SRGAP3: variants seen among roughly 807,000 people sequenced by gnomAD.
SRGAP3 encodes the protein SLIT-ROBO Rho GTPase activating protein 3.
SRGAP3 carries 39 observed loss-of-function variants against 121.1 expected under a neutral mutation model. The ratio of observed to expected loss-of-function variants is 0.32; its 90% CI spans 0.25 to 0.42. The LOEUF (loss-of-function observed/expected upper bound fraction) is 0.42. SRGAP3 is among the 10% of genes least tolerant of loss of function. The pLI is 1.00. For missense variants in SRGAP3, 1,213 were observed against 1,470.6 expected, an observed-to-expected ratio of 0.82 and a Z score of 2.86; for synonymous variants, 601 against 570.0, an observed-to-expected ratio of 1.05 and a Z score of -0.77.
rs542179680 is a variant in SRGAP3, at chr3:9,347,393, C to A, written n.214+15447G>T. On this transcript the variant is annotated intron_variant and non_coding_transcript_variant, in intron 1 of 3. Coordinates refer to the SRGAP3 transcript ENST00000490889. ...TTTTTTTTAATTTGTAGAGACAGGG[C>A]AACTTTCAGTTTTTCAAACACTGAT... Among the ~76,000 whole-genome samples, 28 of 152,230 alleles carry A rather than the reference C, an allele frequency of 1.8e-4. 1 individual carries two copies. In the South Asian group the frequency reaches 5.0e-3, roughly 27 times the overall value.
At chr3:9,330,029 C>T (rs541423716) in intron 2 of SRGAP3, among the ~76,000 whole-genome samples, 1 of 152,286 alleles carries the variant, frequency 6.6e-6, no homozygotes, top group South Asian at 2.1e-4. Flanking sequence ...TTTGCCATTT[C>T]TATAAGACTT....
chr3:9,209,376 C>G (rs1463834604), intron 1 of SRGAP3, among the ~76,000 whole-genome samples: 2 of 152,082 alleles, frequency 1.3e-5, no homozygotes, highest in Non-Finnish European at 2.9e-5. Flanking sequence ...ATCAACAACC[C>G]AATACAAAAT....
At chr3:9,146,953 G>A (rs1422913881) in intron 1 of SRGAP3, among the ~76,000 whole-genome samples, 1 of 152,140 alleles carries the variant, frequency 6.6e-6, no homozygotes, top group Middle Eastern at 3.2e-3. Flanking sequence ...TGGCAGAAAT[G>A]GACCCCCTCC....
At chr3:9,348,692 T>A in intron 1 of SRGAP3, 1 of 1,144,574 alleles carries the variant, frequency 8.7e-7, no homozygotes, top group Non-Finnish European at 1.3e-6. Context: ...TAGTGAGGAT[T>A]GGTGCCTCAA....
intron 1 of SRGAP3, among the ~76,000 whole-genome samples, chr3:9,138,590 T>G (rs1365163295): frequency 3.3e-5 from 5 of 152,214 alleles, no homozygotes; most frequent in Admixed American, 3.3e-4. Flanking sequence ...CCACCTAAAA[T>G]CATCCTGTAT....
chr3:9,098,793 G>T (rs751843662), intron 3 of SRGAP3, among the ~76,000 whole-genome samples: 2 of 152,202 alleles, frequency 1.3e-5, no homozygotes, highest in African/African-American at 4.8e-5. Flanking sequence ...TATAATTATT[G>T]TTTACCTACT....
At chr3:9,046,892 A>G (rs1284621202) in intron 10 of SRGAP3, among the ~76,000 whole-genome samples, 2 of 150,874 alleles carry the variant, frequency 1.3e-5, no homozygotes, top group African/African-American at 2.4e-5. Context: ...GTGCAGTGGC[A>G]TGATCTCGGC....
intron 1 of SRGAP3, among the ~76,000 whole-genome samples, chr3:9,223,909 G>A (rs923293127): frequency 6.6e-6 from 1 of 152,176 alleles, no homozygotes; most frequent in Non-Finnish European, 1.5e-5. Context: ...TCTTGATTCT[G>A]GATGGAAGAC....
intron 1 of SRGAP3, among the ~76,000 whole-genome samples, chr3:9,198,728 G>A (rs191826354): frequency 6.6e-6 from 1 of 152,186 alleles, no homozygotes; most frequent in Non-Finnish European, 1.5e-5. Context: ...CAAGGAAGAG[G>A]TTGCAGGGCC....
rs1164015734 is a variant in SRGAP3, at chr3:9,106,884, C to A, written c.261-2042G>T. Among the ~76,000 whole-genome samples the A allele has an allele frequency of 2.0e-5, 3 of 151,998 alleles. No individual in the cohort carries two copies. In the East Asian group the frequency reaches 5.8e-4, roughly 29 times the overall value. ...CCACATCCACCTCCCCAAAGCCAAG[C>A]AGAAGGACCCCTGAACTGCTGTCCC... On this transcript the variant is annotated intron_variant, in intron 2 of 21. Coordinates refer to ENST00000383836, the MANE Select transcript of SRGAP3 (RefSeq NM_014850.4).
chr3:9,014,127 G>A (rs1943515157), intron 15 of SRGAP3: 5 of 475,502 alleles, frequency 1.1e-5, no homozygotes, highest in South Asian at 2.1e-5. Context: ...CCTGGGTAGA[G>A]GGAAGCCTGG....
At chr3:9,185,429 G>A (rs534997493) in intron 1 of SRGAP3, among the ~76,000 whole-genome samples, 4 of 152,174 alleles carry the variant, frequency 2.6e-5, no homozygotes, top group Admixed American at 1.3e-4. Flanking sequence ...TCTGTGAACT[G>A]GGCTGACTGT....
intron 14 of SRGAP3, among the ~76,000 whole-genome samples, chr3:9,022,526 G>A (rs1290720367): frequency 1.3e-5 from 2 of 152,196 alleles, no homozygotes; most frequent in African/African-American, 4.8e-5. Flanking sequence ...CGGCCAGGAA[G>A]AGGGAAGACC....
intron 1 of SRGAP3, among the ~76,000 whole-genome samples, chr3:9,342,127 A>G (rs1451705863): frequency 6.6e-6 from 1 of 152,146 alleles, no homozygotes. Context: ...GAGGCAGGCG[A>G]ATCACCTGAG....
intron 20 of SRGAP3, among the ~76,000 whole-genome samples, chr3:8,992,066 A>G (rs567888710): frequency 6.6e-6 from 1 of 152,354 alleles, no homozygotes; most frequent in South Asian, 2.1e-4. Context: ...TGCTGAACTG[A>G]ATGGAATTTG....
At chr3:9,333,294 A>G (rs1955640058) in intron 1 of SRGAP3, among the ~76,000 whole-genome samples, 1 of 152,200 alleles carries the variant, frequency 6.6e-6, no homozygotes, top group South Asian at 2.1e-4. Context: ...TTTTCAAGAG[A>G]AAGTATCTCA....
intron 14 of SRGAP3, among the ~76,000 whole-genome samples, chr3:9,016,936 T>C (rs1190856132): frequency 6.6e-6 from 1 of 152,232 alleles, no homozygotes; most frequent in African/African-American, 2.4e-5. Flanking sequence ...CACTATTTTT[T>C]AGAATACTTA....
At chr3:9,004,373 C>T (rs73140168) in intron 18 of SRGAP3, among the ~76,000 whole-genome samples, 2,603 of 152,216 alleles carry the variant, frequency 0.017, 76 homozygotes, top group African/African-American at 0.06. Flanking sequence ...TAATGCAATC[C>T]CTATCAGAAT....
chr3:9,108,409 G>A lies in SRGAP3; in HGVS notation c.261-3567C>T, dbSNP rs978320530. Reference sequence around the variant, plus strand: ...GAGGTAGGAGGATCACTTGAGTCCAGGAGTTCAAGACCAGCCTGGGCAACA... The same window carrying A: ...GAGGTAGGAGGATCACTTGAGTCCAAGAGTTCAAGACCAGCCTGGGCAACA... On this transcript the variant is annotated intron_variant, in intron 2 of 21. Coordinates refer to ENST00000383836, the MANE Select transcript of SRGAP3 (RefSeq NM_014850.4). 5.9e-5 allele frequency among the ~76,000 whole-genome samples: 9 copies of A among 152,166 alleles called. No homozygotes were observed. In the South Asian group the frequency reaches 1.2e-3, roughly 21 times the overall value.
Sources: allele counts gnomAD v4.1 joint callset (sites outside exome capture counted in the v4.1 genomes callset), GRCh38; gene constraint gnomAD v4.1.1; transcripts MANE v1.5; gene names NCBI Gene and HGNC (gene_info 2026-07-23, HGNC 2026-07-21).